The following CDH13 variants were observed in gnomAD, a reference collection of about 807,000 sequenced individuals.
The protein encoded by CDH13 is cadherin 13, also known as cadherin-13.
Under a neutral mutation model 63.8 loss-of-function variants are expected in CDH13, and 24 were observed. That is an observed-to-expected ratio of 0.38 (90% CI 0.27 to 0.53). The LOEUF (loss-of-function observed/expected upper bound fraction) is 0.53. Ranked by LOEUF, CDH13 falls within the 20% of genes least tolerant of loss-of-function variation. The pLI is 0.85. For synonymous variants in CDH13, 503 were observed against 355.3 expected (o/e 1.42, Z -4.67); for missense variants, 1,049 against 903.1 (o/e 1.16, Z -2.07).
At chr16:83,324,907 T>A (rs999201854) in intron 5 of CDH13, among the ~76,000 whole-genome samples, 7 of 152,176 alleles carry the variant, frequency 4.6e-5, no homozygotes, top group Non-Finnish European at 5.9e-5. Context: ...CAGGGACCCA[T>A]CTGATTTGGC....
chr16:83,317,071 A>T (rs1300460418), intron 5 of CDH13, among the ~76,000 whole-genome samples: 3 of 152,218 alleles, frequency 2.0e-5, no homozygotes, highest in Non-Finnish European at 4.4e-5. Context: ...TCAAGGGAAG[A>T]TGTTGCTATT....
At chr16:83,491,628 A>T (rs1468099799) in intron 7 of CDH13, among the ~76,000 whole-genome samples, 1 of 151,904 alleles carries the variant, frequency 6.6e-6, no homozygotes, top group Non-Finnish European at 1.5e-5. Flanking sequence ...TAAAAAAGCA[A>T]TCTTAACATT....
intron 1 of CDH13, among the ~76,000 whole-genome samples, chr16:82,791,588 T>G (rs1239829293): frequency 3.9e-5 from 6 of 152,196 alleles, no homozygotes; most frequent in Admixed American, 3.9e-4. Flanking sequence ...AGCTGAGCTT[T>G]CGCTCACCAT....
intron 2 of CDH13, among the ~76,000 whole-genome samples, chr16:82,938,469 CAG>C (rs1178962173): frequency 1.3e-5 from 2 of 152,208 alleles, no homozygotes; most frequent in Admixed American, 1.3e-4. Flanking sequence ...GAGCTTTTGA[CAG>C]AGTGTCTGAA....
At chr16:83,315,942 A>G (rs2090096050) in intron 5 of CDH13, among the ~76,000 whole-genome samples, 1 of 152,204 alleles carries the variant, frequency 6.6e-6, no homozygotes, top group Non-Finnish European at 1.5e-5. Flanking sequence ...CACTGCTCTG[A>G]GAAATATCCA....
chr16:82,700,036 C>T (rs552763062), intron 1 of CDH13, among the ~76,000 whole-genome samples: 73 of 152,148 alleles, frequency 4.8e-4, no homozygotes, highest in African/African-American at 1.7e-3. Context: ...TCGCCTGTTA[C>T]AGAAGTTTGG....
At chr16:83,544,756 G>A (rs1175463809) in intron 7 of CDH13, among the ~76,000 whole-genome samples, 1 of 152,276 alleles carries the variant, frequency 6.6e-6, no homozygotes. Context: ...ATTGTGTTGG[G>A]CAAGGGATTT....
At chr16:83,281,042 G>C (rs922613964) in intron 5 of CDH13, among the ~76,000 whole-genome samples, 1 of 152,198 alleles carries the variant, frequency 6.6e-6, no homozygotes, top group African/African-American at 2.4e-5. Flanking sequence ...CCTAACCAGA[G>C]AGTCTGCCTA....
intron 6 of CDH13, among the ~76,000 whole-genome samples, chr16:83,373,665 G>A (rs2091412527): frequency 6.6e-6 from 1 of 152,210 alleles, no homozygotes; most frequent in African/African-American, 2.4e-5. Flanking sequence ...GTGGATTAAA[G>A]ATATAACACA....
chr16:82,807,049 C>G (rs2037180028), intron 1 of CDH13, among the ~76,000 whole-genome samples: 1 of 149,682 alleles, frequency 6.7e-6, no homozygotes, highest in Admixed American at 6.7e-5. Flanking sequence ...CAAGTAACTT[C>G]TAGTTTCTAA....
chr16:83,025,894 A>G (rs1261054239), intron 2 of CDH13, among the ~76,000 whole-genome samples: 1 of 152,076 alleles, frequency 6.6e-6, no homozygotes, highest in Non-Finnish European at 1.5e-5. Flanking sequence ...CTTTTAAGAG[A>G]TACTAGTGCA....
intron 1 of CDH13, among the ~76,000 whole-genome samples, chr16:82,803,414 C>G (rs2036970859): frequency 6.6e-6 from 1 of 152,184 alleles, no homozygotes; most frequent in African/African-American, 2.4e-5. Flanking sequence ...GCATGCGAGG[C>G]TCAAATGACA....
intron 1 of CDH13, among the ~76,000 whole-genome samples, chr16:82,840,714 G>T (rs1419514446): frequency 6.7e-6 from 1 of 149,600 alleles, no homozygotes; most frequent in African/African-American, 2.4e-5. Flanking sequence ...AAAAAAACTT[G>T]CATAATGGAG....
At chr16:83,545,477 C>T (rs1598265421) in intron 7 of CDH13, among the ~76,000 whole-genome samples, 1 of 152,194 alleles carries the variant, frequency 6.6e-6, no homozygotes, top group Admixed American at 6.5e-5. Context: ...AAAGAAGTCT[C>T]ATTGTCTGCA....
At chr16:82,707,981 C>T (rs865887125) in intron 1 of CDH13, among the ~76,000 whole-genome samples, 8 of 152,150 alleles carry the variant, frequency 5.3e-5, no homozygotes, top group Admixed American at 3.3e-4. Flanking sequence ...TGAGAGGCAC[C>T]GACTGGCAGG....
At chr16:82,994,131 A>G (rs932591408) in intron 2 of CDH13, among the ~76,000 whole-genome samples, 2 of 151,896 alleles carry the variant, frequency 1.3e-5, no homozygotes, top group African/African-American at 4.8e-5. Context: ...GGGATGTTCT[A>G]TTCCCCTTCT....
chr16:83,622,507 C>T (rs188747750), intron 8 of CDH13, among the ~76,000 whole-genome samples: 1 of 152,272 alleles, frequency 6.6e-6, no homozygotes, highest in Non-Finnish European at 1.5e-5. Context: ...TATTCATGTG[C>T]GTATCTACTT....
At chr16:82,838,861 C>A (rs1245032171) in intron 1 of CDH13, among the ~76,000 whole-genome samples, 1 of 152,180 alleles carries the variant, frequency 6.6e-6, no homozygotes, top group East Asian at 1.9e-4. Context: ...ATGTAAAGGT[C>A]CCTGCCCTCT....
intron 1 of CDH13, among the ~76,000 whole-genome samples, chr16:82,709,685 T>C (rs771300187): frequency 6.6e-6 from 1 of 152,200 alleles, no homozygotes; most frequent in Admixed American, 6.5e-5. Flanking sequence ...ACATGAGCGT[T>C]GTTGGAGGAG....
Sources: allele counts gnomAD v4.1 joint callset (sites outside exome capture counted in the v4.1 genomes callset), GRCh38; gene constraint gnomAD v4.1.1; transcripts MANE v1.5; gene names NCBI Gene and HGNC (gene_info 2026-07-23, HGNC 2026-07-21).